The following NXPH1 variants were observed in gnomAD, a reference collection of about 807,000 sequenced individuals.
NXPH1 encodes neurexophilin 1.
NXPH1 carries 5 observed loss-of-function variants against 23.7 expected under a neutral mutation model. That is an observed-to-expected ratio of 0.21 (90% confidence interval 0.11 to 0.44). NXPH1 has a LOEUF of 0.44. Among genes scored for constraint, NXPH1 ranks in the 20% least tolerant of loss-of-function variants. The pLI is 0.99. For synonymous variants in NXPH1, 144 were observed against 122.2 expected, an observed-to-expected ratio of 1.18 and a Z score of -1.18; for missense variants, 324 against 321.6, an observed-to-expected ratio of 1.01 and a Z score of -0.06.
At chr7:8,511,026 G>A (rs1817602947) in intron 2 of NXPH1, among the ~76,000 whole-genome samples, 1 of 152,132 alleles carries the variant, frequency 6.6e-6, no homozygotes, top group South Asian at 2.1e-4. Flanking sequence ...AGGGGTCAAA[G>A]TAGATGTTCT....
intron 2 of NXPH1, among the ~76,000 whole-genome samples, chr7:8,443,304 C>T (rs139172448): frequency 6.6e-6 from 1 of 152,234 alleles, no homozygotes; most frequent in Non-Finnish European, 1.5e-5. Flanking sequence ...CAACTTCTCC[C>T]CCTACCCAGT....
chr7:8,501,002 A>C (rs944004461), intron 2 of NXPH1, among the ~76,000 whole-genome samples: 1 of 152,086 alleles, frequency 6.6e-6, no homozygotes, highest in Non-Finnish European at 1.5e-5. Context: ...AGAGGTCTCT[A>C]ACTCAAATCT....
At chr7:8,589,043 G>A (rs1281496199) in intron 2 of NXPH1, among the ~76,000 whole-genome samples, 2 of 152,090 alleles carry the variant, frequency 1.3e-5, no homozygotes, top group Non-Finnish European at 2.9e-5. Flanking sequence ...ATCAGTGGAG[G>A]AAAAAGGATT....
intron 2 of NXPH1, among the ~76,000 whole-genome samples, chr7:8,525,502 C>T (rs1425790220): frequency 1.3e-5 from 2 of 152,136 alleles, no homozygotes; most frequent in Non-Finnish European, 2.9e-5. Context: ...TCCCCAAGAC[C>T]ATGGGGAAAA....
At position 8,446,539 on chromosome 7, in the gene NXPH1, G is replaced by C. The variant is rs1395042393; in HGVS notation, c.54+10772G>C. On this transcript the variant is annotated intron_variant, in intron 2 of 2. Transcript: ENST00000405863. ...ATTTTTGAATAAGTAAAGGAATAGA[G>C]GTTTTGATTTTAGCATCAAACATAA... Among the ~76,000 whole-genome samples, 3 of 152,096 alleles carry C rather than the reference G, an allele frequency of 2.0e-5. No homozygotes were observed. The East Asian group carries it at 5.8e-4, about 29-fold the overall frequency.
At chr7:8,440,315 A>G (rs1816276346) in intron 2 of NXPH1, among the ~76,000 whole-genome samples, 2 of 152,248 alleles carry the variant, frequency 1.3e-5, no homozygotes, top group Admixed American at 6.5e-5. Flanking sequence ...CCCCATTTCC[A>G]GAAGGATTAT....
intron 2 of NXPH1, among the ~76,000 whole-genome samples, chr7:8,470,983 A>G (rs1382959809): frequency 6.6e-6 from 1 of 152,118 alleles, no homozygotes; most frequent in East Asian, 1.9e-4. Flanking sequence ...GGTTAGGGCA[A>G]GAACAGGAAA....
At chr7:8,519,316 C>G (rs1817733642) in intron 2 of NXPH1, among the ~76,000 whole-genome samples, 1 of 152,086 alleles carries the variant, frequency 6.6e-6, no homozygotes, top group Non-Finnish European at 1.5e-5. Flanking sequence ...TAAAGTTGCC[C>G]CTTCCTATGT....
At chr7:8,727,651 T>C (rs1252256896) in intron 2 of NXPH1, among the ~76,000 whole-genome samples, 1 of 152,134 alleles carries the variant, frequency 6.6e-6, no homozygotes, top group Non-Finnish European at 1.5e-5. Context: ...TAGTTGTAGA[T>C]ATGCGGCATT....
At position 8,632,738 on chromosome 7, in the gene NXPH1, C is replaced by A. The variant is rs557578224; in HGVS notation, c.55-118270C>A. 2.0e-5 allele frequency among the ~76,000 whole-genome samples: 3 copies of A among 152,300 alleles called. No individual in the cohort carries two copies. In the South Asian group the frequency reaches 6.2e-4, roughly 32 times the overall value. ...CAAATTTCCCCTCCCATGAGAATTT[C>A]CGTGGTGTAGAGCTGTAATTGTAAA... On this transcript the variant is annotated intron_variant, in intron 2 of 2. Coordinates refer to ENST00000405863, the MANE Select transcript of NXPH1 (RefSeq NM_152745.3).
chr7:8,461,982 C>A (rs1035232064), intron 2 of NXPH1, among the ~76,000 whole-genome samples: 7 of 152,004 alleles, frequency 4.6e-5, no homozygotes, highest in Admixed American at 1.3e-4. Flanking sequence ...TATAGATGTT[C>A]TTTTCTTAAA....
At chr7:8,608,220 A>T (rs1819543325) in intron 2 of NXPH1, among the ~76,000 whole-genome samples, 1 of 152,210 alleles carries the variant, frequency 6.6e-6, no homozygotes, top group African/African-American at 2.4e-5. Context: ...ACCATAATAG[A>T]TTAACTACTT....
At position 8,520,010 on chromosome 7, in the gene NXPH1, T is replaced by G. The variant is rs374748614; in HGVS notation, c.54+84243T>G. Among the ~76,000 whole-genome samples, 65 of 152,236 alleles carry G rather than the reference T, an allele frequency of 4.3e-4. 2 individuals carry two copies. The South Asian group carries it at 0.013, about 30-fold the overall frequency. ...TTTTCACTATCTCCATCATAATGTT[T>G]ATAAAAAATTATTTATATAAAGATG... On this transcript the variant is annotated intron_variant, in intron 2 of 2. Coordinates refer to ENST00000405863, the MANE Select transcript of NXPH1 (RefSeq NM_152745.3).
intron 2 of NXPH1, among the ~76,000 whole-genome samples, chr7:8,493,961 AAAAAT>A (rs1434352257): frequency 6.6e-6 from 1 of 151,962 alleles, no homozygotes; most frequent in African/African-American, 2.4e-5. Context: ...AAGGGATCCA[AAAAAT>A]AAAATGAGGG....
intron 2 of NXPH1, among the ~76,000 whole-genome samples, chr7:8,593,958 T>C (rs1819160399): frequency 6.6e-6 from 1 of 151,294 alleles, no homozygotes; most frequent in Admixed American, 6.6e-5. Flanking sequence ...ATAACATTTT[T>C]AGACATCAAC....
chr7:8,664,093 T>A (rs369484053), intron 2 of NXPH1, among the ~76,000 whole-genome samples: 3 of 152,222 alleles, frequency 2.0e-5, no homozygotes, highest in South Asian at 4.1e-4. Context: ...TAACTTTCTA[T>A]CCCTAACACA....
chr7:8,507,429 T>G (rs1817546936), intron 2 of NXPH1, among the ~76,000 whole-genome samples: 1 of 151,968 alleles, frequency 6.6e-6, no homozygotes, highest in South Asian at 2.1e-4. Flanking sequence ...GTGAACATCT[T>G]AAGCTGTAAT....
chr7:8,536,298 T>A (rs760499485), intron 2 of NXPH1, among the ~76,000 whole-genome samples: 5 of 152,088 alleles, frequency 3.3e-5, no homozygotes, highest in Non-Finnish European at 7.4e-5. Flanking sequence ...GATCACATAT[T>A]GAGGGGAGTA....
chr7:8,593,277 G>A (rs770899431), intron 2 of NXPH1, among the ~76,000 whole-genome samples: 3 of 151,392 alleles, frequency 2.0e-5, no homozygotes, highest in Non-Finnish European at 4.4e-5. Flanking sequence ...TTCTCTGGAA[G>A]TGGCTATGAA....
Sources: gnomAD v4.1 joint callset for allele counts (sites outside exome capture counted in the v4.1 genomes callset) on GRCh38, gnomAD v4.1.1 for gene constraint, MANE v1.5 for transcripts, NCBI Gene and HGNC (gene_info 2026-07-23, HGNC 2026-07-21) for gene names.